Variants in CXorf58 observed in about 807,000 individuals in gnomAD.
CXorf58 encodes uncharacterized protein CXorf58.
CXorf58 carries 24 observed loss-of-function variants against 26.0 expected under a neutral mutation model. The ratio of observed to expected loss-of-function variants is 0.92; its 90% CI spans 0.67 to 1.30. CXorf58 has a LOEUF of 1.30. Among genes scored for constraint, CXorf58 ranks in the 50% most tolerant of loss-of-function variants. The pLI, the probability that CXorf58 is intolerant of heterozygous loss-of-function variation, is 0.00. For missense variants in CXorf58, 236 were observed against 263.9 expected, an observed-to-expected ratio of 0.89 and a Z score of 0.73; for synonymous variants, 87 against 86.1, an observed-to-expected ratio of 1.01 and a Z score of -0.06.
At chrX:23,938,078 C>T (rs1427668974) in intron 7 of CXorf58, among the ~76,000 whole-genome samples, 1 of 107,571 alleles carries the variant, frequency 9.3e-6, no homozygotes, top group Non-Finnish European at 1.9e-5. Flanking sequence ...TTAGTAGAGA[C>T]GGTTTCACCA....
chrX:23,930,922 G>A (rs1928152751), intron 6 of CXorf58, among the ~76,000 whole-genome samples: 1 of 110,643 alleles, frequency 9.0e-6, no homozygotes, highest in Non-Finnish European at 1.9e-5. Flanking sequence ...ATTAAAGTAT[G>A]TACATTTTTT....
chrX:23,921,139 G>T (rs1601962116), intron 5 of CXorf58, among the ~76,000 whole-genome samples: 1 of 111,007 alleles, frequency 9.0e-6, no homozygotes, highest in South Asian at 3.8e-4. Flanking sequence ...ATCCTCCTGG[G>T]TCTACTCCTG....
rs780014397 is a variant in CXorf58, at chrX:23,916,281, G to A, written c.376G>A (p.Gly126Ser). 1 of 1,202,814 alleles carries A rather than the reference G, an allele frequency of 8.3e-7. No homozygotes were observed. Among genetic ancestry groups the A allele is most frequent in the South Asian group, 1.8e-5 (1 of 55,945 alleles). ...FKIFLHTDGH[G>S]YKYFSGKNVL... ...AATTTTTCTTCATACTGATGGCCAT[G>A]GTTACAAGTATTTTAGTGGAAAAAA... Residue 126 changes from glycine (G) to serine (S), a missense_variant, in exon 5 of 9, where the codon GGT becomes AGT. Gly to Ser is a moderately conservative substitution (Grantham distance 56). Transcript: ENST00000379211.
At chrX:23,928,347 A>T (rs1313207603) in intron 6 of CXorf58, among the ~76,000 whole-genome samples, 2 of 110,105 alleles carry the variant, frequency 1.8e-5, no homozygotes, top group African/African-American at 6.6e-5. Context: ...CTCCCAGCTA[A>T]TTTTTTTGTA....
intron 6 of CXorf58, among the ~76,000 whole-genome samples, chrX:23,932,720 C>T (rs773880353): frequency 1.1e-4 from 12 of 111,698 alleles, no homozygotes; most frequent in African/African-American, 3.9e-4. Flanking sequence ...GGAGGCCGGG[C>T]GTGGTGGCTC....
At chrX:23,937,672 G>T (rs1928328682) in intron 7 of CXorf58, among the ~76,000 whole-genome samples, 1 of 110,171 alleles carries the variant, frequency 9.1e-6, no homozygotes, top group Non-Finnish European at 1.9e-5. Flanking sequence ...TGATCCACCC[G>T]CCTTGGCCTC....
chrX:23,924,678 G>T (rs1024539469), intron 5 of CXorf58, among the ~76,000 whole-genome samples: 2 of 100,585 alleles, frequency 2.0e-5, no homozygotes, highest in Non-Finnish European at 4.0e-5. Flanking sequence ...GATGAGGGAG[G>T]GGGGAGGGAT....
At chrX:23,919,618 A>G (rs184068623) in intron 5 of CXorf58, among the ~76,000 whole-genome samples, 98 of 112,361 alleles carry the variant, frequency 8.7e-4, no homozygotes, top group Non-Finnish European at 1.5e-3. Context: ...CTGTCTCTCT[A>G]GGATTGATCA....
At chrX:23,929,157 A>C (rs1928088835) in intron 6 of CXorf58, among the ~76,000 whole-genome samples, 1 of 111,324 alleles carries the variant, frequency 9.0e-6, no homozygotes, top group African/African-American at 3.3e-5. Flanking sequence ...CTGTAATCCC[A>C]GCACTTTGGG....
At chrX:23,918,246 C>G (rs1927779680) in intron 5 of CXorf58, among the ~76,000 whole-genome samples, 1 of 110,496 alleles carries the variant, frequency 9.1e-6, no homozygotes, top group African/African-American at 3.3e-5. Context: ...TTCCTTCCTG[C>G]CTTCCTTTTA....
chrX:23,935,152 C>T, intron 6 of CXorf58, 44 bp from the exon 7 acceptor site: 1 of 1,037,423 alleles, frequency 9.6e-7, no homozygotes, highest in Non-Finnish European at 1.3e-6. Flanking sequence ...AGGTATGAGC[C>T]ACCGCACCTG....
At chrX:23,916,499 C>CT (rs1289756021) in intron 5 of CXorf58, 171 bp downstream of exon 5, 1 of 131,872 alleles carries the variant, frequency 7.6e-6, no homozygotes, top group East Asian at 1.7e-4. Context: ...CACTTACTAG[C>CT]TAAAAAAAAA....
At chrX:23,925,786 C>CTTTTTTT (rs11296283) in intron 5 of CXorf58, among the ~76,000 whole-genome samples, 12 of 71,767 alleles carry the variant, frequency 1.7e-4, no homozygotes, top group African/African-American at 3.9e-4. Flanking sequence ...CTTTTCTTTT[C>CTTTTTTT]TTTTTTTTTT....
intron 6 of CXorf58, among the ~76,000 whole-genome samples, chrX:23,927,622 T>TGTAGAG (rs1444145636): frequency 7.2e-5 from 8 of 110,922 alleles, no homozygotes; most frequent in Admixed American, 6.8e-4. Context: ...CAGGGGTACA[T>TGTAGAG]GTAGAGGTTT....
At chrX:23,930,537 T>C (rs1928140310) in intron 6 of CXorf58, among the ~76,000 whole-genome samples, 1 of 102,638 alleles carries the variant, frequency 9.7e-6, no homozygotes, top group Non-Finnish European at 2.0e-5. Flanking sequence ...CTCAGGAGAC[T>C]GAGGTGGGAG....
rs1321353115 is a variant in CXorf58 at position 23,915,332 on chromosome X, T to C, written c.217-368T>C. On this transcript the variant is annotated intron_variant, in intron 3 of 8. Transcript: ENST00000379211. ...ATCTGCTGTGTTCCAGGCACTGTAT[T>C]AGATGCTAGGAATATAGTGGTAAAG... Among the ~76,000 whole-genome samples, 5 of 112,137 alleles carry C rather than the reference T, an allele frequency of 4.5e-5. No homozygotes were observed. In the East Asian group the frequency reaches 1.4e-3, roughly 31 times the overall value.
intron 1 of CXorf58, among the ~76,000 whole-genome samples, chrX:23,909,635 A>G (rs948118020): frequency 8.9e-6 from 1 of 111,886 alleles, no homozygotes; most frequent in African/African-American, 3.2e-5. Flanking sequence ...AATGATAAAG[A>G]GCCCCTGGTT....
chrX:23,930,613 A>AT (rs1928144636), intron 6 of CXorf58, among the ~76,000 whole-genome samples: 2 of 109,083 alleles, frequency 1.8e-5, no homozygotes, highest in Admixed American at 2.0e-4. Flanking sequence ...CAAAAAAAAA[A>AT]AAAAAAGCCA....
At chrX:23,917,914 C>T (rs1315982998) in intron 5 of CXorf58, among the ~76,000 whole-genome samples, 1 of 111,616 alleles carries the variant, frequency 9.0e-6, no homozygotes, top group East Asian at 2.8e-4. Context: ...GATCTTGGCT[C>T]ACTACAAGCT....
Sources: allele counts gnomAD v4.1 joint callset (sites outside exome capture counted in the v4.1 genomes callset), GRCh38; gene constraint gnomAD v4.1.1; transcripts MANE v1.5; gene names NCBI Gene and HGNC (gene_info 2026-07-23, HGNC 2026-07-21).